Variants in MRAP2 observed in about 807,000 individuals in gnomAD.
The protein encoded by MRAP2 is melanocortin 2 receptor accessory protein 2.
MRAP2 carries 20 observed loss-of-function variants against 17.4 expected under a neutral mutation model. The ratio of observed to expected loss-of-function variants is 1.15; its 90% CI spans 0.81 to 1.67. The LOEUF is 1.67. MRAP2 is among the 40% of genes most tolerant of loss of function. MRAP2 has a pLI of 0.00. For missense variants in MRAP2, 238 were observed against 240.0 expected (o/e 0.99, Z 0.05); for synonymous variants, 96 against 88.4 (o/e 1.09, Z -0.48).
At chr6:84,048,932 C>A (rs2099489714) in intron 1 of MRAP2, among the ~76,000 whole-genome samples, 1 of 152,166 alleles carries the variant, frequency 6.6e-6, no homozygotes, top group African/African-American at 2.4e-5. Flanking sequence ...AATTCAGCTC[C>A]CTGAATCTGT....
chr6:84,133,408 G>C, the MRAP2 span, among the ~76,000 whole-genome samples: 1 of 152,210 alleles, frequency 6.6e-6, no homozygotes, highest in Non-Finnish European at 1.5e-5. Context: ...GGACGTTTAA[G>C]TCTGCAGAAG....
rs189027009 is a variant in MRAP2 at position 84,070,624 on chromosome 6, A to G, written c.227+7632A>G. ...TTGTAAAGTCCATTTGTTTAAATCC[A>G]TTGTTTAAATCCATTGTTTCTTTGT... On this transcript the variant is annotated intron_variant, in intron 3 of 3. Transcript: ENST00000257776. Among the ~76,000 whole-genome samples the G allele has an allele frequency of 1.8e-4, 28 of 152,288 alleles. No individual in the cohort carries two copies. In the East Asian group the frequency reaches 4.0e-3, roughly 22 times the overall value.
At chr6:84,060,160 G>A (rs1180954629) in intron 2 of MRAP2, among the ~76,000 whole-genome samples, 2 of 152,202 alleles carry the variant, frequency 1.3e-5, no homozygotes, top group Non-Finnish European at 2.9e-5. Context: ...GAAAAACATA[G>A]ATGCCGCATT....
At chr6:84,140,141 A>C in the MRAP2 span, among the ~76,000 whole-genome samples, 1 of 152,116 alleles carries the variant, frequency 6.6e-6, no homozygotes, top group African/African-American at 2.4e-5. Flanking sequence ...CAGCCAGGTG[A>C]ACAGGGTGGG....
At chr6:84,064,708 C>A (rs181881106) in intron 3 of MRAP2, among the ~76,000 whole-genome samples, 1 of 152,240 alleles carries the variant, frequency 6.6e-6, no homozygotes, top group East Asian at 1.9e-4. Flanking sequence ...AGGATGGTCT[C>A]GATCTGCTGA....
intron 1 of MRAP2, among the ~76,000 whole-genome samples, chr6:84,046,274 A>G (rs2099489012): frequency 6.6e-6 from 1 of 152,216 alleles, no homozygotes; most frequent in South Asian, 2.1e-4. Flanking sequence ...TTCCAGGTCC[A>G]TGAAAACTGG....
chr6:84,037,969 G>T (rs2099486587), intron 1 of MRAP2, among the ~76,000 whole-genome samples: 2 of 152,256 alleles, frequency 1.3e-5, no homozygotes, highest in Admixed American at 1.3e-4. Context: ...GTGAGCGAGG[G>T]CTGCTAGCAT....
chr6:84,145,106 C>G, the MRAP2 span, among the ~76,000 whole-genome samples: 2 of 152,038 alleles, frequency 1.3e-5, no homozygotes, highest in Non-Finnish European at 2.9e-5. Flanking sequence ...CCAATAAAGT[C>G]CCTTGGAAAA....
At chr6:84,069,065 T>C (rs1028774102) in intron 3 of MRAP2, among the ~76,000 whole-genome samples, 1 of 152,078 alleles carries the variant, frequency 6.6e-6, no homozygotes, top group East Asian at 1.9e-4. Context: ...TGTGACTTCC[T>C]CTTTACCGAT....
At chr6:84,092,193 A>T (rs2099501888), downstream of MRAP2, among the ~76,000 whole-genome samples, 1 of 152,106 alleles carries the variant, frequency 6.6e-6, no homozygotes. Context: ...ACCTAAGATG[A>T]TCTCCCCATC....
chr6:84,090,865 A>G lies in MRAP2; in HGVS notation c.*1384A>G, dbSNP rs2099501653. 1 of 152,238 alleles carries G rather than the reference A, an allele frequency of 6.6e-6. No individual in the cohort carries two copies. The highest frequency in any genetic ancestry group is 2.4e-5 in the African/African-American group (1 of 41,466). 9.4% of individuals were successfully genotyped at this position (152,238 alleles called of 1,614,324 possible). A position where few individuals can be genotyped will look rare whatever the true frequency, so the allele number is the denominator to read the frequency against. On this transcript the variant is annotated 3_prime_UTR_variant, in exon 4 of 4. Coordinates refer to ENST00000257776, the MANE Select transcript of MRAP2 (RefSeq NM_138409.4). ...ACCTGTCTTGCTTAAGCTACAAAAT[A>G]AATGCATTTGACTGCACAGAAATTT...
At chr6:84,087,185 T>A (rs1206308313) in intron 3 of MRAP2, among the ~76,000 whole-genome samples, 1 of 152,194 alleles carries the variant, frequency 6.6e-6, no homozygotes. Context: ...TTATCCATTT[T>A]AGGGAGACAT....
chr6:84,087,465 A>G lies in MRAP2; in HGVS notation c.228-1626A>G, dbSNP rs2099500778. ...CTTTAGCTTAGTGATTTGGGGGTTC[A>G]AGATATTTTCCTTTCACAGCTTTAA... On this transcript the variant is annotated intron_variant, in intron 3 of 3. Transcript: ENST00000257776. Among the ~76,000 whole-genome samples the G allele has an allele frequency of 4.6e-5, 7 of 152,336 alleles. No homozygotes were observed. The South Asian group carries it at 1.4e-3, about 32-fold the overall frequency.
the MRAP2 span, among the ~76,000 whole-genome samples, chr6:84,120,594 T>G: frequency 6.6e-6 from 1 of 152,286 alleles, no homozygotes; most frequent in South Asian, 2.1e-4. Context: ...AGACCTGCCA[T>G]GTATATAGCT....
intron 1 of MRAP2, among the ~76,000 whole-genome samples, chr6:84,037,166 CA>C (rs2099486289): frequency 6.7e-6 from 1 of 148,606 alleles, no homozygotes; most frequent in African/African-American, 2.6e-5. Context: ...GAGCTAGACA[CA>C]GAGTGTTGAT....
intron 1 of MRAP2, chr6:84,035,379 A>G: frequency 3.1e-6 from 3 of 977,008 alleles, no homozygotes; most frequent in Non-Finnish European, 3.6e-6. Flanking sequence ...AGCATTTACA[A>G]ATACTTACGC....
At chr6:84,072,145 A>C (rs2099496351) in intron 3 of MRAP2, among the ~76,000 whole-genome samples, 1 of 152,076 alleles carries the variant, frequency 6.6e-6, no homozygotes, top group African/African-American at 2.4e-5. Flanking sequence ...GGTGTTAAAG[A>C]GCCTTGTTTT....
chr6:84,037,856 C>G lies in MRAP2; in HGVS notation c.-8+3973C>G, dbSNP rs971981788. Among the ~76,000 whole-genome samples the G allele has an allele frequency of 4.6e-5, 7 of 152,272 alleles. No individual in the cohort carries two copies. The South Asian group carries it at 1.5e-3, about 32-fold the overall frequency. On this transcript the variant is annotated intron_variant, in intron 1 of 3. Coordinates refer to ENST00000257776, the MANE Select transcript of MRAP2 (RefSeq NM_138409.4). ...CCTCCCCGCAAGCAGAGGGAGCCAG[C>G]TCCAGCCTCGGCCAGCCCAGAGAGG...
the MRAP2 span, among the ~76,000 whole-genome samples, chr6:84,127,212 A>G: frequency 3.9e-5 from 6 of 152,178 alleles, no homozygotes; most frequent in African/African-American, 1.4e-4. Flanking sequence ...TTCCAACAAG[A>G]ATCAGATTTT....
Sources: gnomAD v4.1 joint callset for allele counts (sites outside exome capture counted in the v4.1 genomes callset) on GRCh38, gnomAD v4.1.1 for gene constraint, MANE v1.5 for transcripts, NCBI Gene and HGNC (gene_info 2026-07-23, HGNC 2026-07-21) for gene names.